Variants in GALNT13 observed in about 807,000 individuals in gnomAD.
GALNT13 encodes the protein polypeptide N-acetylgalactosaminyltransferase 13.
A neutral mutation model predicts 64.2 loss-of-function variants in GALNT13; 28 were observed. The ratio of observed to expected loss-of-function variants is 0.44; its 90% CI spans 0.32 to 0.60. GALNT13 has a LOEUF of 0.60. Ranked by LOEUF, GALNT13 falls within the 20% of genes least tolerant of loss-of-function variation. GALNT13 has a pLI of 0.05. For synonymous variants in GALNT13, 214 were observed against 224.6 expected (o/e 0.95, Z 0.42); for missense variants, 577 against 669.8 (o/e 0.86, Z 1.53).
chr2:153,610,066 A>G, the GALNT13 span, among the ~76,000 whole-genome samples: 1 of 152,172 alleles, frequency 6.6e-6, no homozygotes, highest in African/African-American at 2.4e-5. Flanking sequence ...GACTGCTAGA[A>G]GTGGGAGGAA....
the GALNT13 span, among the ~76,000 whole-genome samples, chr2:153,423,073 A>G: frequency 1.3e-5 from 2 of 151,954 alleles, no homozygotes; most frequent in African/African-American, 4.8e-5. Flanking sequence ...AAAAAATTTC[A>G]GATCATTATC....
chr2:153,786,759 C>T, the GALNT13 span, among the ~76,000 whole-genome samples: 48 of 152,174 alleles, frequency 3.2e-4, 1 homozygote, highest in Non-Finnish European at 5.9e-4. Flanking sequence ...ATTGAAAGCC[C>T]CTCTGCCACT....
At chr2:153,105,771 T>C in the GALNT13 span, among the ~76,000 whole-genome samples, 2 of 152,036 alleles carry the variant, frequency 1.3e-5, no homozygotes, top group African/African-American at 4.8e-5. Context: ...TCACAATTGC[T>C]TCAAAGAGAA....
At chr2:153,917,519 A>G (rs1689451730) in intron 2 of GALNT13, among the ~76,000 whole-genome samples, 1 of 152,162 alleles carries the variant, frequency 6.6e-6, no homozygotes, top group Non-Finnish European at 1.5e-5. Flanking sequence ...AAATTTTTCT[A>G]GAAGTATTAA....
At chr2:153,206,480 A>G in the GALNT13 span, among the ~76,000 whole-genome samples, 1 of 152,100 alleles carries the variant, frequency 6.6e-6, no homozygotes, top group Non-Finnish European at 1.5e-5. Flanking sequence ...ATATTTTGAT[A>G]CAACCTATTG....
the GALNT13 span, among the ~76,000 whole-genome samples, chr2:153,756,321 CAT>C: frequency 3.9e-5 from 6 of 152,000 alleles, no homozygotes; most frequent in African/African-American, 1.4e-4. Context: ...ACAAAGAAAA[CAT>C]ATTTATAAAC....
the GALNT13 span, among the ~76,000 whole-genome samples, chr2:153,788,476 A>G: frequency 6.6e-6 from 1 of 152,054 alleles, no homozygotes; most frequent in Non-Finnish European, 1.5e-5. Flanking sequence ...AGTAAAGCCC[A>G]TTACCAACCA....
chr2:153,760,683 T>A, the GALNT13 span, among the ~76,000 whole-genome samples: 5 of 152,156 alleles, frequency 3.3e-5, no homozygotes, highest in Non-Finnish European at 5.9e-5. Context: ...ATGTTCCATG[T>A]TCCCTTTCAA....
intron 4 of GALNT13, among the ~76,000 whole-genome samples, chr2:154,206,180 T>G: frequency 6.6e-6 from 1 of 151,664 alleles, no homozygotes; most frequent in African/African-American, 2.4e-5. Flanking sequence ...CTATTTTTTT[T>G]ATAGTAGAGA....
chr2:153,654,582 C>A, the GALNT13 span, among the ~76,000 whole-genome samples: 1 of 152,092 alleles, frequency 6.6e-6, no homozygotes, highest in Non-Finnish European at 1.5e-5. Flanking sequence ...TCTCCATCCA[C>A]ACAGTCCACA....
chr2:154,209,917 A>G (rs890508896), intron 4 of GALNT13, among the ~76,000 whole-genome samples: 1 of 152,176 alleles, frequency 6.6e-6, no homozygotes, highest in African/African-American at 2.4e-5. Context: ...ATTTAACTAT[A>G]GTCACCATGC....
At chr2:153,403,354 G>A in the GALNT13 span, among the ~76,000 whole-genome samples, 1 of 152,102 alleles carries the variant, frequency 6.6e-6, no homozygotes, top group Non-Finnish European at 1.5e-5. Context: ...GGACATTTAA[G>A]TCTGCAGAAG....
At chr2:153,557,030 T>C in the GALNT13 span, among the ~76,000 whole-genome samples, 1 of 152,122 alleles carries the variant, frequency 6.6e-6, no homozygotes, top group South Asian at 2.1e-4. Flanking sequence ...TCCCCACAAA[T>C]TTGACCCCCC....
chr2:153,931,311 C>G (rs969080732), intron 2 of GALNT13, among the ~76,000 whole-genome samples: 3 of 151,344 alleles, frequency 2.0e-5, no homozygotes, highest in Non-Finnish European at 4.4e-5. Flanking sequence ...TTTATTTACT[C>G]TCTTTCTATT....
chr2:154,349,086 C>G (rs1696239130), intron 9 of GALNT13, among the ~76,000 whole-genome samples: 1 of 152,136 alleles, frequency 6.6e-6, no homozygotes, highest in South Asian at 2.1e-4. Context: ...CTGTATTAAT[C>G]AAATGCAATT....
At chr2:154,076,189 G>A (rs1419071739) in intron 3 of GALNT13, among the ~76,000 whole-genome samples, 1 of 151,642 alleles carries the variant, frequency 6.6e-6, no homozygotes, top group Non-Finnish European at 1.5e-5. Context: ...GAAAAGGGAG[G>A]GGGCTTAACC....
At chr2:153,301,750 T>C in the GALNT13 span, among the ~76,000 whole-genome samples, 1 of 152,112 alleles carries the variant, frequency 6.6e-6, no homozygotes, top group Non-Finnish European at 1.5e-5. Context: ...CACACATAAG[T>C]GAGGTTATAT....
In GALNT13 at chr2:154,129,960, C is replaced by T. The variant is rs188650995; in HGVS notation, c.143-10377C>T. Among the ~76,000 whole-genome samples the T allele has an allele frequency of 1.2e-4, 19 of 152,212 alleles. No individual in the cohort carries two copies. In the East Asian group the frequency reaches 3.7e-3, roughly 30 times the overall value. On this transcript the variant is annotated intron_variant, in intron 3 of 12. Coordinates refer to ENST00000392825, the MANE Select transcript of GALNT13 (RefSeq NM_052917.4). ...CTACCTCAAGCCATCTCTCCCTTCA[C>T]ACAGTGCTCAGTCAAATTTCCCCTC... is the stretch of plus-strand genomic sequence containing the variant.
At chr2:153,252,649 T>C in the GALNT13 span, among the ~76,000 whole-genome samples, 3 of 152,236 alleles carry the variant, frequency 2.0e-5, no homozygotes, top group Admixed American at 1.3e-4. Flanking sequence ...AATTTTTGTA[T>C]AATGTGTAAG....
Sources: allele counts gnomAD v4.1 joint callset (sites outside exome capture counted in the v4.1 genomes callset), GRCh38; gene constraint gnomAD v4.1.1; transcripts MANE v1.5; gene names NCBI Gene and HGNC (gene_info 2026-07-23, HGNC 2026-07-21).